Variants in FADS6 observed in about 807,000 individuals in gnomAD.
The protein encoded by FADS6 is fatty acid desaturase domain family, member 6.
FADS6 carries 28 observed loss-of-function variants against 31.7 expected under a neutral mutation model. That is an observed-to-expected ratio of 0.88 (90% confidence interval 0.66 to 1.21). The LOEUF is 1.21. FADS6 is among the 50% of genes most tolerant of loss of function. The pLI is 0.00. For missense variants in FADS6, 494 were observed against 504.2 expected, an observed-to-expected ratio of 0.98 and a Z score of 0.19; for synonymous variants, 191 against 213.1, an observed-to-expected ratio of 0.90 and a Z score of 0.90.
At chr17:74,880,936 T>G (rs2038560652) in intron 4 of FADS6, 132 bp downstream of exon 4, 1 of 935,736 alleles carries the variant, frequency 1.1e-6, no homozygotes, top group Admixed American at 2.8e-5. Context: ...CACAGTGTGA[T>G]GAGAGCGAGA....
chr17:74,887,731 G>A (rs2038638232), intron 2 of FADS6, among the ~76,000 whole-genome samples: 1 of 152,176 alleles, frequency 6.6e-6, no homozygotes, highest in Non-Finnish European at 1.5e-5. Flanking sequence ...CTCTCACCAG[G>A]CTGGAGTGCA....
downstream of FADS6, among the ~76,000 whole-genome samples, chr17:74,876,831 G>C (rs2038511299): frequency 6.6e-6 from 1 of 152,092 alleles, no homozygotes; most frequent in South Asian, 2.1e-4. Flanking sequence ...CAAGGTGAGA[G>C]ACCCTGTTTT....
chr17:74,879,052 TTTTTTG>T, intron 5 of FADS6: 1 of 183,908 alleles, frequency 5.4e-6, no homozygotes, highest in Non-Finnish European at 1.1e-5. Context: ...TTTTTTTTTT[TTTTTTG>T]AGACAGGGTC....
intron 2 of FADS6, among the ~76,000 whole-genome samples, chr17:74,892,266 G>C (rs2038696961): frequency 6.6e-6 from 1 of 152,214 alleles, no homozygotes; most frequent in African/African-American, 2.4e-5. Flanking sequence ...CCCACTGGTT[G>C]TAACTGTGGG....
rs1418596179 is a variant in FADS6 at position 74,882,655 on chromosome 17, T to C, written c.467A>G (p.His156Arg). The change falls in exon 3 of 6, where the codon CAT (histidine) becomes CGT (arginine). Residue 156 changes from histidine to arginine, a missense_variant. This residue lies in a region of FADS6 where 454 missense variants were observed against 438.5 expected (regional missense o/e 1.04). Transcript: ENST00000612771. ...CAGGCCCACCACGTTGGTGTAGGCA[T>C]GGTGCATCTTGACGTGCCCATGCGT... ...HATHGHVKMHHAYTNVVGLGD... is the reference protein window; with the variant it reads ...HATHGHVKMHRAYTNVVGLGD... The C allele has an allele frequency of 1.2e-6, 2 of 1,611,700 alleles. No individual in the cohort carries two copies. Among genetic ancestry groups the C allele is most frequent in the South Asian group, 2.2e-5 (2 of 90,398 alleles).
At chr17:74,874,961 C>T (rs1202202903), downstream of FADS6, among the ~76,000 whole-genome samples, 1 of 152,214 alleles carries the variant, frequency 6.6e-6, no homozygotes, top group African/African-American at 2.4e-5. Flanking sequence ...CACCCCTGCA[C>T]TACATTATAA....
downstream of FADS6, among the ~76,000 whole-genome samples, chr17:74,875,856 AC>A (rs2038504212): frequency 6.6e-6 from 1 of 152,188 alleles, no homozygotes; most frequent in Non-Finnish European, 1.5e-5. Context: ...CTATCAGTCA[AC>A]CTTCTAGCAA....
At chr17:74,876,935 G>A (rs757296721), downstream of FADS6, among the ~76,000 whole-genome samples, 3 of 152,032 alleles carry the variant, frequency 2.0e-5, no homozygotes, top group Admixed American at 6.5e-5. Context: ...AGCTGGGGCA[G>A]CTCCCAGCCC....
chr17:74,888,969 G>GT (rs914257670), intron 2 of FADS6, among the ~76,000 whole-genome samples: 2 of 152,216 alleles, frequency 1.3e-5, no homozygotes, highest in Non-Finnish European at 2.9e-5. Flanking sequence ...CTCTCGCTGG[G>GT]TAAGACCAAG....
chr17:74,876,466 C>A (rs2038509038), downstream of FADS6, among the ~76,000 whole-genome samples: 1 of 152,120 alleles, frequency 6.6e-6, no homozygotes. Context: ...CAACAATGCA[C>A]AGGACAGCCC....
In FADS6 at chr17:74,890,238, G is replaced by A. The variant is rs112020573; in HGVS notation, c.411+2285C>T. On this transcript the variant is annotated intron_variant, in intron 2 of 5. Transcript: ENST00000612771. ...CTCCCAAAGTGCTGGGATTACAGGC[G>A]TGAGCCCCACTGTCCTCGCCGCCAC... Among the ~76,000 whole-genome samples, 45 of 152,256 alleles carry A rather than the reference G, an allele frequency of 3.0e-4. 1 individual carries two copies. Among genetic ancestry groups the A allele is most frequent in the Middle Eastern group, 3.4e-3 (1 of 294 alleles).
rs536986876 is a variant in FADS6 at position 74,890,017 on chromosome 17, T to C, written c.411+2506A>G. 1.7e-3 allele frequency among the ~76,000 whole-genome samples: 253 copies of C among 152,244 alleles called. 1 individual carries two copies. The highest frequency in any genetic ancestry group is 5.3e-4 in the Non-Finnish European group (36 of 68,010). ...AGGCCCTCCATTAAGGTCTGCACTG[T>C]TTCATTTTATCCACATGCTGGCCTC... On this transcript the variant is annotated intron_variant, in intron 2 of 5. Transcript: ENST00000612771.
chr17:74,890,249 T>C (rs2144725135), intron 2 of FADS6, among the ~76,000 whole-genome samples: 1 of 152,256 alleles, frequency 6.6e-6, no homozygotes, highest in African/African-American at 2.4e-5. Context: ...TGAGCCCCAC[T>C]GTCCTCGCCG....
intron 2 of FADS6, among the ~76,000 whole-genome samples, chr17:74,884,346 C>T (rs112274881): frequency 2.0e-5 from 3 of 152,304 alleles, no homozygotes; most frequent in South Asian, 2.1e-4. Context: ...ATACAGGATG[C>T]CCTCTTAATT....
chr17:74,880,065 A>G (rs373797502), intron 4 of FADS6, among the ~76,000 whole-genome samples: 1 of 152,296 alleles, frequency 6.6e-6, no homozygotes, highest in African/African-American at 2.4e-5. Context: ...GAACTCAATT[A>G]TGGGATTAAG....
chr17:74,887,293 C>T (rs533329373), intron 2 of FADS6, among the ~76,000 whole-genome samples: 1 of 152,206 alleles, frequency 6.6e-6, no homozygotes, highest in East Asian at 1.9e-4. Context: ...CTGTGTTGCC[C>T]AGGCTGGTCT....
intron 2 of FADS6, among the ~76,000 whole-genome samples, chr17:74,891,450 G>A (rs1207020666): frequency 6.6e-6 from 1 of 152,212 alleles, no homozygotes; most frequent in East Asian, 1.9e-4. Flanking sequence ...CCTCTCTGTG[G>A]ATTACAAACT....
chr17:74,882,853 C>G, intron 2 of FADS6, 143 bp from the exon 3 acceptor site: 1 of 1,512,334 alleles, frequency 6.6e-7, no homozygotes. Flanking sequence ...CCCAGCTAAT[C>G]CGCTTTGACC....
At chr17:74,880,991 A>T in intron 4 of FADS6, 77 bp downstream of exon 4, 2 of 1,438,936 alleles carry the variant, frequency 1.4e-6, no homozygotes, top group Non-Finnish European at 1.9e-6. Context: ...TCCTCAACCT[A>T]GAGTCCAGCC....
Sources: allele counts gnomAD v4.1 joint callset (sites outside exome capture counted in the v4.1 genomes callset), GRCh38; gene constraint gnomAD v4.1.1; regional missense constraint gnomAD v4.1.1; transcripts MANE v1.5; gene names NCBI Gene and HGNC (gene_info 2026-07-23, HGNC 2026-07-21).